TAMM41: variants seen among roughly 807,000 people sequenced by gnomAD.
TAMM41 encodes the protein TAM41 mitochondrial translocator assembly and maintenance homolog.
A neutral mutation model predicts 44.1 loss-of-function variants in TAMM41; 36 were observed. The ratio of observed to expected loss-of-function variants is 0.82; its 90% CI spans 0.63 to 1.08. The LOEUF (loss-of-function observed/expected upper bound fraction) is 1.08. TAMM41 is among the 50% of genes least tolerant of loss of function. The pLI is 0.00. For synonymous variants in TAMM41, 164 were observed against 153.1 expected, an observed-to-expected ratio of 1.07 and a Z score of -0.53; for missense variants, 417 against 404.3, an observed-to-expected ratio of 1.03 and a Z score of -0.27.
chr3:11,750,277 G>T, the TAMM41 span, among the ~76,000 whole-genome samples: 2 of 151,676 alleles, frequency 1.3e-5, no homozygotes, highest in East Asian at 3.9e-4. Context: ...CCTACTTTAG[G>T]CTCAAGACTA....
At chr3:11,817,511 T>G (rs2078332501) in intron 4 of TAMM41, among the ~76,000 whole-genome samples, 174 bp from the exon 5 acceptor site, 1 of 152,202 alleles carries the variant, frequency 6.6e-6, no homozygotes, top group Non-Finnish European at 1.5e-5. Context: ...TGTGAGCACT[T>G]GTTTGGAGGA....
chr3:11,813,529 C>CA (rs901514327), intron 5 of TAMM41, among the ~76,000 whole-genome samples: 3 of 151,908 alleles, frequency 2.0e-5, no homozygotes, highest in Admixed American at 6.6e-5. Flanking sequence ...GACTCCATCT[C>CA]AAAAAAACAA....
chr3:11,832,333 C>G (rs1309806364), intron 3 of TAMM41, among the ~76,000 whole-genome samples: 4 of 151,440 alleles, frequency 2.6e-5, no homozygotes, highest in Non-Finnish European at 5.9e-5. Context: ...GAATTTGCTG[C>G]CACATGCCAA....
chr3:11,809,972 A>G (rs770090424), intron 5 of TAMM41: 39 of 284,754 alleles, frequency 1.4e-4, no homozygotes, highest in Non-Finnish European at 2.3e-4. Context: ...TTTAAAATTT[A>G]TATTTGTCTT....
the TAMM41 span, among the ~76,000 whole-genome samples, chr3:11,757,259 T>A: frequency 6.6e-6 from 1 of 152,208 alleles, no homozygotes; most frequent in Non-Finnish European, 1.5e-5. Context: ...TTTTACACAC[T>A]GTAAATGCTT....
At chr3:11,770,110 G>A in the TAMM41 span, among the ~76,000 whole-genome samples, 7 of 152,218 alleles carry the variant, frequency 4.6e-5, no homozygotes, top group Admixed American at 2.0e-4. Context: ...AATCCACAGG[G>A]GAGATGTGTG....
At chr3:11,834,807 C>T (rs1250462241) in intron 3 of TAMM41, among the ~76,000 whole-genome samples, 2 of 152,176 alleles carry the variant, frequency 1.3e-5, no homozygotes, top group Non-Finnish European at 2.9e-5. Flanking sequence ...CTGCCTCAGC[C>T]TCCCTAGTAG....
chr3:11,807,767 G>A (rs753418968), intron 7 of TAMM41, 66 bp downstream of exon 7: 3 of 1,535,930 alleles, frequency 2.0e-6, no homozygotes, highest in South Asian at 1.2e-5. Flanking sequence ...GCTTTACACT[G>A]TAACCAAGAG....
chr3:11,843,771 G>A (rs183993870), intron 2 of TAMM41: 2 of 442,546 alleles, frequency 4.5e-6, no homozygotes, highest in East Asian at 7.0e-5. Flanking sequence ...TCCTCACACT[G>A]CAATGACAGT....
At chr3:11,839,434 C>A (rs891194609) in intron 2 of TAMM41, 120 bp from the exon 3 acceptor site, 9 of 620,770 alleles carry the variant, frequency 1.4e-5, no homozygotes, top group Non-Finnish European at 2.5e-5. Flanking sequence ...ATTCCAAAGC[C>A]ACTCAAAACA....
In TAMM41 at chr3:11,844,167, T is replaced by C. The variant is rs2079571625; in HGVS notation, c.180A>G (p.Ala60=). The change falls in exon 2 of 8, where the codon GCA becomes GCG. Residue 60 remains alanine (A), a synonymous_variant. Transcript: ENST00000455809. ...DFVFTVDDPV[A]WHSKNLKKNW... ...TTTTCTTCAGGTTCTTTGAATGCCA[T>C]GCGACAGGGTCATCTACTGTGAACA... 1.2e-6 allele frequency: 2 copies of C among 1,614,112 alleles called. No individual in the cohort carries two copies. Among genetic ancestry groups the C allele is most frequent in the Non-Finnish European group, 1.7e-6 (2 of 1,180,052 alleles).
At position 11,805,287 on chromosome 3, in the gene TAMM41, TCAC is replaced by T. The variant is rs572792713; in HGVS notation, c.937+2543_937+2545del. On this transcript the variant is annotated intron_variant, in intron 7 of 7. Transcript: ENST00000455809. ...AAAGTACTAGGATTACAGGCATGAG[TCAC>T]CACATCCAGCCTATTTTTTCTATTT... 1.9e-3 allele frequency among the ~76,000 whole-genome samples: 288 copies of T among 150,864 alleles called. 1 individual carries two copies. Among genetic ancestry groups the T allele is most frequent in the Middle Eastern group, 0.014 (4 of 294 alleles).
the TAMM41 span, among the ~76,000 whole-genome samples, chr3:11,758,371 A>T: frequency 2.0e-3 from 297 of 150,382 alleles, 2 homozygotes; most frequent in African/African-American, 6.6e-3. Context: ...TGTTTTTTTG[A>T]GACGGAGTCT....
chr3:11,798,661 TA>T (rs917610031), intron 7 of TAMM41, among the ~76,000 whole-genome samples: 1 of 150,630 alleles, frequency 6.6e-6, no homozygotes, highest in Non-Finnish European at 1.5e-5. Flanking sequence ...AAATAAAAGT[TA>T]AAAAAAAAGA....
chr3:11,752,625 C>CTTTTTT, the TAMM41 span, among the ~76,000 whole-genome samples: 35 of 39,956 alleles, frequency 8.8e-4, 7 homozygotes, highest in African/African-American at 1.5e-3. Context: ...TCTTACAAAG[C>CTTTTTT]TTTTTTTTTT....
At chr3:11,773,304 AT>A in the TAMM41 span, among the ~76,000 whole-genome samples, 1 of 136,282 alleles carries the variant, frequency 7.3e-6, no homozygotes, top group South Asian at 2.4e-4. Context: ...TGCTTATTTT[AT>A]TTTTGATTTG....
At chr3:11,751,294 G>C in the TAMM41 span, among the ~76,000 whole-genome samples, 2 of 152,048 alleles carry the variant, frequency 1.3e-5, no homozygotes, top group Non-Finnish European at 2.9e-5. Flanking sequence ...GTTTCACCAT[G>C]TTGGCCAGTC....
chr3:11,812,418 A>G (rs1429533526), intron 5 of TAMM41, among the ~76,000 whole-genome samples: 1 of 152,110 alleles, frequency 6.6e-6, no homozygotes, highest in African/African-American at 2.4e-5. Flanking sequence ...ATCAATCACC[A>G]TTACGCTGTA....
intron 4 of TAMM41, among the ~76,000 whole-genome samples, chr3:11,828,040 T>A (rs1248769989): frequency 2.0e-5 from 3 of 152,210 alleles, no homozygotes; most frequent in African/African-American, 7.2e-5. Flanking sequence ...ATGAGATTAG[T>A]AGACAATATG....
Sources: gnomAD v4.1 joint callset for allele counts (sites outside exome capture counted in the v4.1 genomes callset) on GRCh38, gnomAD v4.1.1 for gene constraint, MANE v1.5 for transcripts, NCBI Gene and HGNC (gene_info 2026-07-23, HGNC 2026-07-21) for gene names.